Variants in ATOH8 observed in about 807,000 individuals in gnomAD.
ATOH8 encodes the protein transcription factor ATOH8.
In ATOH8, 9 loss-of-function variants were observed where a neutral mutation model predicts 21.2. The ratio of observed to expected loss-of-function variants is 0.42; its 90% confidence interval spans 0.26 to 0.74. ATOH8 has a LOEUF of 0.74. ATOH8 is among the 30% of genes least tolerant of loss of function. The probability of loss-of-function intolerance (pLI) is 0.24; values close to 1 mark genes in which losing one functional copy is unlikely to be tolerated. For missense variants in ATOH8, 524 were observed against 470.9 expected (o/e 1.11, Z -1.04); for synonymous variants, 253 against 224.0 (o/e 1.13, Z -1.16).
intron 2 of ATOH8, chr2:85,773,658 A>G (rs970703633): frequency 6.6e-6 from 1 of 152,174 alleles, no homozygotes; most frequent in Non-Finnish European, 1.5e-5. Flanking sequence ...TCACCCCAGC[A>G]GTGGAAAAAG....
intron 2 of ATOH8, among the ~76,000 whole-genome samples, chr2:85,771,229 G>T (rs1323175274): frequency 6.6e-6 from 1 of 151,996 alleles, no homozygotes; most frequent in Admixed American, 6.5e-5. Context: ...TGGGGCTGGA[G>T]ACCTGGATTT....
Position 85,755,589 on chromosome 2 carries a change from TCTGCCGAGGGGA to T in ATOH8, c.768+638_768+649del, listed in dbSNP as rs547938917. On this transcript the variant is annotated intron_variant, in intron 1 of 2. Transcript: ENST00000306279. ...TTTCACCCGTGGTGAAGCAGGCAGC[TCTGCCGAGGGGA>T]CTGCCTAGGTTGGGGATTCCCTCTG... Among the ~76,000 whole-genome samples the T allele has an allele frequency of 3.9e-5, 6 of 152,344 alleles. No individual in the cohort carries two copies. In the South Asian group the frequency reaches 1.2e-3, roughly 32 times the overall value.
At chr2:85,764,984 C>A (rs569843847) in intron 2 of ATOH8, among the ~76,000 whole-genome samples, 36 of 152,302 alleles carry the variant, frequency 2.4e-4, no homozygotes, top group African/African-American at 7.7e-4. Flanking sequence ...TTGTACGAAG[C>A]CTGATGTGGC....
chr2:85,783,067 G>A (rs1305598090), intron 2 of ATOH8, among the ~76,000 whole-genome samples: 1 of 152,214 alleles, frequency 6.6e-6, no homozygotes, highest in South Asian at 2.1e-4. Context: ...AACAGGCCAC[G>A]TCCCTGCCCT....
At position 85,767,607 on chromosome 2, in the gene ATOH8, A is replaced by G. The variant is rs1415739702; in HGVS notation, c.960+3425A>G. Among the ~76,000 whole-genome samples, 10 of 570 alleles carry G rather than the reference A, an allele frequency of 0.018. No individual in the cohort carries two copies. The East Asian group carries it at 0.22, about 12-fold the overall frequency. 0.4% of individuals were successfully genotyped at this position (570 alleles called of 152,430 possible). A position where few individuals can be genotyped will look rare whatever the true frequency, so the allele number is the denominator to read the frequency against. On this transcript the variant is annotated intron_variant, in intron 2 of 2. Transcript: ENST00000306279. The stretch of plus-strand genomic sequence containing the variant: ...CTTCCCTTCCCTTCCATGAACAGCT[A>G]TTGAGTACCCTCTATGTACCTGACA...
At chr2:85,757,863 G>A (rs1182435784) in intron 1 of ATOH8, among the ~76,000 whole-genome samples, 2 of 146,670 alleles carry the variant, frequency 1.4e-5, no homozygotes, top group Admixed American at 1.4e-4. Flanking sequence ...TCAGCTCACT[G>A]CAAACTCCAC....
Position 85,754,147 on chromosome 2 carries a change from G to A in ATOH8, c.-43G>A, listed in dbSNP as rs1321860876. On this transcript the variant is annotated 5_prime_UTR_variant, in exon 1 of 3. Coordinates refer to ENST00000306279, the MANE Select transcript of ATOH8 (RefSeq NM_032827.7). The stretch of plus-strand genomic sequence containing the variant: ...CTCCTCGGCGCTGAGCGCGGCGGCG[G>A]CCCGGGCAGCCCCACGCCCCTGCCT... The A allele has an allele frequency of 7.0e-7, 1 of 1,434,148 alleles. No individual in the cohort carries two copies. The allele number at this position is 1,434,148 out of a possible 1,614,324, so 88.8% of individuals were successfully genotyped here. A position where few individuals can be genotyped will look rare whatever the true frequency, so the allele number is the denominator to read the frequency against.
At chr2:85,770,149 C>T (rs367954798) in intron 2 of ATOH8, among the ~76,000 whole-genome samples, 1 of 152,162 alleles carries the variant, frequency 6.6e-6, no homozygotes, top group Non-Finnish European at 1.5e-5. Flanking sequence ...TGGTGCTTCC[C>T]GGGTATCACC....
At chr2:85,768,251 G>A (rs1573528250) in intron 2 of ATOH8, among the ~76,000 whole-genome samples, 4 of 152,164 alleles carry the variant, frequency 2.6e-5, no homozygotes, top group Admixed American at 1.3e-4. Context: ...AATGAGCCAC[G>A]CTTGCCGCTC....
At chr2:85,776,586 C>T (rs987319949) in intron 2 of ATOH8, among the ~76,000 whole-genome samples, 3 of 152,140 alleles carry the variant, frequency 2.0e-5, no homozygotes, top group Non-Finnish European at 4.4e-5. Flanking sequence ...CTGGCGCGTC[C>T]GTAGGCACCG....
In ATOH8 at chr2:85,786,921, GT is replaced by G; in HGVS notation, c.*32del. 6.2e-7 allele frequency: 1 copy of G among 1,614,142 alleles called. No homozygotes were observed. Among genetic ancestry groups the G allele is most frequent in the Non-Finnish European group, 8.5e-7 (1 of 1,180,012 alleles). The stretch of plus-strand genomic sequence containing the variant: ...TGCAGGCAAGACCAAGGCCACCACT[GT>G]GGGCCCTCCTTCCAGTCAGGCCTGA... On this transcript the variant is annotated 3_prime_UTR_variant, in exon 3 of 3. Transcript: ENST00000306279.
intron 2 of ATOH8, among the ~76,000 whole-genome samples, chr2:85,771,104 C>T (rs942851779): frequency 2.6e-5 from 4 of 152,148 alleles, no homozygotes; most frequent in Non-Finnish European, 2.9e-5. Flanking sequence ...TGGGGGCTAA[C>T]CCCAGAGAAC....
Position 85,766,513 on chromosome 2 carries a change from A to G in ATOH8, c.960+2331A>G, listed in dbSNP as rs1192555546. On this transcript the variant is annotated intron_variant, in intron 2 of 2. Transcript: ENST00000306279. This position sits in a 1 kb window ranked among gnomAD's most constrained non-coding sequence, Gnocchi z 4.0. ...ATATGTGTGGTGACACATTTCTCAT[A>G]TGAAACCACTCAGGAAGCCCTGGCT... is the stretch of plus-strand genomic sequence containing the variant. Among the ~76,000 whole-genome samples the G allele has an allele frequency of 6.6e-6, 1 of 152,026 alleles. No individual in the cohort carries two copies. Among genetic ancestry groups the G allele is most frequent in the Non-Finnish European group, 1.5e-5 (1 of 67,992 alleles).
chr2:85,767,580 T>TCCCCTCCCCTCCCCTCCCCTCC (rs1680052547), intron 2 of ATOH8, among the ~76,000 whole-genome samples: 7 of 79,278 alleles, frequency 8.8e-5, no homozygotes, highest in Admixed American at 1.4e-4. Context: ...CCCTCCCCTC[T>TCCCCTCCCCTCCCCTCCCCTCC]CCTTCCCTTC....
At chr2:85,779,224 G>C (rs1680417885) in intron 2 of ATOH8, among the ~76,000 whole-genome samples, 1 of 152,270 alleles carries the variant, frequency 6.6e-6, no homozygotes, top group African/African-American at 2.4e-5. Context: ...GGAAGCAGAT[G>C]GGAAGCCGCA....
intron 1 of ATOH8, among the ~76,000 whole-genome samples, chr2:85,763,608 A>G (rs1200497903): frequency 1.3e-5 from 2 of 152,244 alleles, no homozygotes; most frequent in South Asian, 2.1e-4. Flanking sequence ...GTGTTGCTGA[A>G]TGAATGAATG....
chr2:85,764,242 A>C, intron 2 of ATOH8, 60 bp downstream of exon 2: 1 of 1,592,698 alleles, frequency 6.3e-7, no homozygotes, highest in Non-Finnish European at 8.6e-7. Context: ...AGGGACAGGA[A>C]CTTGGGGGTG....
At chr2:85,786,783 C>T in intron 2 of ATOH8, 102 bp from the exon 3 acceptor site, 20 of 1,565,632 alleles carry the variant, frequency 1.3e-5, no homozygotes, top group East Asian at 4.5e-5. Context: ...AGGTGGGGGC[C>T]CCTCTGCCTG....
intron 1 of ATOH8, among the ~76,000 whole-genome samples, chr2:85,759,138 G>A (rs768247117): frequency 2.0e-5 from 3 of 152,150 alleles, no homozygotes; most frequent in East Asian, 3.9e-4. Context: ...GGTCTTCACC[G>A]AGTGAACTCA....
Sources: gnomAD v4.1 joint callset for allele counts (sites outside exome capture counted in the v4.1 genomes callset) on GRCh38, gnomAD v4.1.1 for gene constraint, Gnocchi (gnomAD v3.1) non-coding constraint, MANE v1.5 for transcripts, NCBI Gene and HGNC (gene_info 2026-07-23, HGNC 2026-07-21) for gene names.